FGD3: variants seen among roughly 807,000 people sequenced by gnomAD.
FGD3 encodes the protein FYVE, RhoGEF and PH domain-containing protein 3.
A neutral mutation model predicts 71.8 loss-of-function variants in FGD3; 45 were observed. The observed-to-expected ratio is 0.63, with a 90% confidence interval of 0.49 to 0.80. The LOEUF is 0.80. Among genes scored for constraint, FGD3 ranks in the 30% least tolerant of loss-of-function variants. The probability of loss-of-function intolerance (pLI) is 0.00; values close to 1 mark genes in which losing one functional copy is unlikely to be tolerated. For missense variants in FGD3, 844 were observed against 951.5 expected (o/e 0.89, Z 1.49); for synonymous variants, 378 against 392.8 (o/e 0.96, Z 0.44).
Position 93,035,604 on chromosome 9 carries a change from T to C in FGD3, c.*15T>C, listed in dbSNP as rs766251420. 7 of 1,571,428 alleles carry C rather than the reference T, an allele frequency of 4.5e-6. No homozygotes were observed. The South Asian group carries it at 6.8e-5, about 15-fold the overall frequency. On this transcript the variant is annotated 3_prime_UTR_variant, in exon 18 of 18. Transcript: ENST00000375482. ...CTGCTCCGTGAGCTGAGTCTCCCAC[T>C]GCCCTGCACACCACCACATTGGACC...
intron 2 of FGD3, among the ~76,000 whole-genome samples, chr9:92,975,863 A>C (rs904245936): frequency 3.3e-5 from 5 of 152,206 alleles, no homozygotes; most frequent in African/African-American, 1.2e-4. Context: ...CGCTATAAAC[A>C]GAAGCCACTG....
At chr9:92,956,351 C>G (rs1859050409) in intron 1 of FGD3, among the ~76,000 whole-genome samples, 1 of 152,194 alleles carries the variant, frequency 6.6e-6, no homozygotes, top group Non-Finnish European at 1.5e-5. Flanking sequence ...ATGGGCCTGA[C>G]TATGTCCCTG....
intron 1 of FGD3, among the ~76,000 whole-genome samples, chr9:92,970,408 G>A (rs1564144110): frequency 6.6e-6 from 1 of 152,332 alleles, no homozygotes; most frequent in East Asian, 1.9e-4. Context: ...CTTCCAAGTT[G>A]CCTCAAGGAA....
At chr9:92,981,691 A>G (rs1242569614) in intron 3 of FGD3, among the ~76,000 whole-genome samples, 1 of 152,154 alleles carries the variant, frequency 6.6e-6, no homozygotes, top group Non-Finnish European at 1.5e-5. Context: ...CAATTTTGCC[A>G]AAGTTTCCTT....
chr9:93,028,988 C>T (rs1862242866), intron 14 of FGD3, among the ~76,000 whole-genome samples: 1 of 136,596 alleles, frequency 7.3e-6, no homozygotes. Context: ...CCTCACATGT[C>T]CTCACAGTTT....
rs1351969706 is a variant in FGD3, at chr9:93,016,826, G to A, written c.1275+997G>A. Among the ~76,000 whole-genome samples, 7 of 142,912 alleles carry A rather than the reference G, an allele frequency of 4.9e-5. 1 individual carries two copies. 93.8% of individuals were successfully genotyped at this position (142,912 alleles called of 152,430 possible). A position where few individuals can be genotyped will look rare whatever the true frequency, so the allele number is the denominator to read the frequency against. On this transcript the variant is annotated intron_variant, in intron 10 of 17. Coordinates refer to ENST00000375482, the MANE Select transcript of FGD3 (RefSeq NM_001083536.2). ...TTTAGTAGAGACGGGGTTTCACCAT[G>A]TGGTCAGGCTGGTCTCAAACTCCTG... is the stretch of plus-strand genomic sequence containing the variant.
In FGD3 at chr9:93,006,188, C is replaced by G. The variant is rs199518547; in HGVS notation, c.837+8C>G. On this transcript the variant is annotated splice_region_variant and intron_variant, in intron 6 of 17. Coordinates refer to ENST00000375482, the MANE Select transcript of FGD3 (RefSeq NM_001083536.2). ...GTCGTCCACAGCATCCAGGTAAGGC[C>G]GGCAGTGGGAGTGTGGACACAGATG... The G allele has an allele frequency of 3.9e-6, 6 of 1,551,022 alleles. No individual in the cohort carries two copies. The East Asian group carries it at 7.0e-5, about 18-fold the overall frequency.
At chr9:93,011,446 G>A (rs1471042318) in intron 8 of FGD3, among the ~76,000 whole-genome samples, 174 bp downstream of exon 8, 1 of 152,206 alleles carries the variant, frequency 6.6e-6, no homozygotes, top group Non-Finnish European at 1.5e-5. Context: ...CCCGCCCCTT[G>A]CTATAATAGA....
intron 2 of FGD3, among the ~76,000 whole-genome samples, chr9:92,975,714 A>C (rs1441094792): frequency 6.6e-6 from 1 of 151,992 alleles, no homozygotes; most frequent in African/African-American, 2.4e-5. Context: ...CCTGAGGGAG[A>C]TAGTAGAGAC....
At chr9:93,031,892 G>C (rs140242413) in intron 15 of FGD3, among the ~76,000 whole-genome samples, 3 of 152,080 alleles carry the variant, frequency 2.0e-5, no homozygotes, top group African/African-American at 7.2e-5. Context: ...GAGGGAGACC[G>C]AGGCAGAGAG....
At chr9:93,021,281 C>G (rs1335852385) in intron 13 of FGD3, among the ~76,000 whole-genome samples, 5 of 152,176 alleles carry the variant, frequency 3.3e-5, no homozygotes, top group Non-Finnish European at 7.4e-5. Flanking sequence ...GCCCCAAGGG[C>G]CCAGGGGGAT....
chr9:92,957,515 A>C (rs1217944867), intron 1 of FGD3, among the ~76,000 whole-genome samples: 7 of 151,402 alleles, frequency 4.6e-5, no homozygotes, highest in Non-Finnish European at 1.0e-4. Context: ...AGTCAAGTAT[A>C]TGTTCCAGTT....
At chr9:93,028,347 A>G (rs945124024) in intron 14 of FGD3, among the ~76,000 whole-genome samples, 41 of 148,110 alleles carry the variant, frequency 2.8e-4, no homozygotes, top group African/African-American at 9.9e-4. Flanking sequence ...AGGAAAAAAA[A>G]AAAAAAAGAA....
At chr9:93,029,595 C>T (rs1219152917) in intron 14 of FGD3, among the ~76,000 whole-genome samples, 1 of 152,218 alleles carries the variant, frequency 6.6e-6, no homozygotes, top group East Asian at 1.9e-4. Context: ...TTCTCAGATG[C>T]ACCAGATAAA....
intron 8 of FGD3, among the ~76,000 whole-genome samples, chr9:93,012,108 C>T (rs1218574439): frequency 2.7e-5 from 4 of 148,730 alleles, no homozygotes; most frequent in Admixed American, 6.7e-5. Flanking sequence ...GAGCCGAGAT[C>T]GCGCCACTGC....
chr9:92,976,412 AG>A lies in FGD3; in HGVS notation c.160del (p.Asp54ThrfsTer6). The A allele has an allele frequency of 6.2e-7, 1 of 1,611,618 alleles. No individual in the cohort carries two copies. Among genetic ancestry groups the A allele is most frequent in the Non-Finnish European group, 8.5e-7 (1 of 1,179,364 alleles). ...GGGACCCTGTCAGCCTGGCTGCAGC[AG>A]GGGACGGCTCTCCAGACATAGGCCC... ...CGDPVSLAAA[G>X]DGSPDIGPTG... On this transcript the variant is annotated frameshift_variant, in exon 3 of 18. Coordinates refer to ENST00000375482, the MANE Select transcript of FGD3 (RefSeq NM_001083536.2). LOFTEE classifies it high-confidence loss of function.
intron 1 of FGD3, among the ~76,000 whole-genome samples, chr9:92,955,405 G>A (rs890654983): frequency 9.9e-5 from 15 of 152,092 alleles, no homozygotes; most frequent in Non-Finnish European, 1.8e-4. Context: ...GCATGGTGGT[G>A]CATGCCTGTA....
chr9:92,968,060 T>G (rs570325897), intron 1 of FGD3, among the ~76,000 whole-genome samples: 2 of 152,304 alleles, frequency 1.3e-5, no homozygotes, highest in South Asian at 4.1e-4. Flanking sequence ...GAAACATTCT[T>G]GACTAGATGG....
chr9:92,985,153 A>G (rs964509082), intron 3 of FGD3, among the ~76,000 whole-genome samples: 7 of 152,194 alleles, frequency 4.6e-5, no homozygotes, highest in African/African-American at 1.7e-4. Flanking sequence ...CGTTTGTCCC[A>G]CTGGGGCAGT....
Sources: gnomAD v4.1 joint callset for allele counts (sites outside exome capture counted in the v4.1 genomes callset) on GRCh38, gnomAD v4.1.1 for gene constraint, MANE v1.5 for transcripts, NCBI Gene and HGNC (gene_info 2026-07-23, HGNC 2026-07-21) for gene names.